The following SAMD7 variants were observed in gnomAD, a reference collection of about 807,000 sequenced individuals.
SAMD7 encodes the protein sterile alpha motif domain-containing protein 7.
Under a neutral mutation model 36.7 loss-of-function variants are expected in SAMD7, and 34 were observed. The observed-to-expected ratio is 0.93, with a 90% CI of 0.71 to 1.23. The LOEUF (loss-of-function observed/expected upper bound fraction) is 1.23, where lower values mean the gene tolerates loss of function less well. Among genes scored for constraint, SAMD7 ranks in the 50% most tolerant of loss-of-function variants. The pLI is 0.00. For missense variants in SAMD7, 570 were observed against 546.6 expected (o/e 1.04, Z -0.43); for synonymous variants, 188 against 189.7 (o/e 0.99, Z 0.07).
chr3:169,923,479 C>T (rs1713132835), intron 4 of SAMD7, among the ~76,000 whole-genome samples: 6 of 152,234 alleles, frequency 3.9e-5, no homozygotes, highest in South Asian at 4.1e-4. Context: ...TGTGGTGGCT[C>T]ATGCCTATAA....
At chr3:169,932,384 A>G in intron 7 of SAMD7, 2 of 644,888 alleles carry the variant, frequency 3.1e-6, no homozygotes, top group Non-Finnish European at 6.0e-6. Context: ...GAACCTAAGT[A>G]GTATAGCCGA....
rs993491934 is a variant in SAMD7, at chr3:169,938,524, G to T, written c.*18G>T. 1 of 1,545,058 alleles carries T rather than the reference G, an allele frequency of 6.5e-7. No homozygotes were observed. Among genetic ancestry groups the T allele is most frequent in the Non-Finnish European group, 8.9e-7 (1 of 1,123,104 alleles). On this transcript the variant is annotated 3_prime_UTR_variant, in exon 9 of 9. Coordinates refer to ENST00000335556, the MANE Select transcript of SAMD7 (RefSeq NM_001304366.2). ...GAAACTAAAAGCCCTCAAGGAGGAAGAATAGTCTTAGCCAGTTTTCCAAAG... is the reference window on the plus strand; with the variant it reads ...GAAACTAAAAGCCCTCAAGGAGGAATAATAGTCTTAGCCAGTTTTCCAAAG...
intron 8 of SAMD7, among the ~76,000 whole-genome samples, chr3:169,937,256 TA>T (rs1398265198): frequency 6.6e-6 from 1 of 152,148 alleles, no homozygotes; most frequent in Non-Finnish European, 1.5e-5. Flanking sequence ...TCTTTTTTTT[TA>T]ATTTTAATTT....
intron 2 of SAMD7, among the ~76,000 whole-genome samples, chr3:169,916,297 T>C (rs996609662): frequency 6.6e-6 from 1 of 152,176 alleles, no homozygotes; most frequent in Non-Finnish European, 1.5e-5. Flanking sequence ...TGTTGTCCAA[T>C]GGATAAAGTT....
chr3:169,934,432 A>T (rs1244011451), intron 7 of SAMD7, among the ~76,000 whole-genome samples: 2 of 152,156 alleles, frequency 1.3e-5, no homozygotes, highest in African/African-American at 4.8e-5. Context: ...CCTCACAAAA[A>T]AAAACCACCT....
At chr3:169,936,985 A>G (rs1713743380) in intron 8 of SAMD7, among the ~76,000 whole-genome samples, 2 of 152,212 alleles carry the variant, frequency 1.3e-5, no homozygotes, top group African/African-American at 4.8e-5. Flanking sequence ...TAATAATAAT[A>G]GTAAAATAAT....
At chr3:169,915,129 C>A (rs1355101174) in intron 1 of SAMD7, among the ~76,000 whole-genome samples, 2 of 152,220 alleles carry the variant, frequency 1.3e-5, no homozygotes, top group African/African-American at 4.8e-5. Context: ...CAATGGCCAA[C>A]AGAAGTTGAT....
chr3:169,930,833 G>A (rs1049606692), intron 7 of SAMD7, among the ~76,000 whole-genome samples: 2 of 151,744 alleles, frequency 1.3e-5, no homozygotes, highest in Admixed American at 6.6e-5. Flanking sequence ...CGCCCACCTC[G>A]GCCTCCCAAA....
At chr3:169,936,317 A>C (rs778040962) in intron 7 of SAMD7, 22 bp from the exon 8 acceptor site, 1 of 1,423,354 alleles carries the variant, frequency 7.0e-7, no homozygotes, top group Non-Finnish European at 9.9e-7. Context: ...AGACAGAGTT[A>C]ACACCTTTTG....
intron 4 of SAMD7, among the ~76,000 whole-genome samples, chr3:169,924,314 T>C (rs1447319792): frequency 6.6e-6 from 1 of 151,894 alleles, no homozygotes; most frequent in Non-Finnish European, 1.5e-5. Context: ...TCTGGCCAGG[T>C]GCAGTGGCTC....
chr3:169,923,415 T>C (rs957683670), intron 4 of SAMD7, among the ~76,000 whole-genome samples: 1 of 152,176 alleles, frequency 6.6e-6, no homozygotes, highest in Non-Finnish European at 1.5e-5. Flanking sequence ...CTGCAGCCCA[T>C]GATTACCGAC....
intron 4 of SAMD7, among the ~76,000 whole-genome samples, chr3:169,923,514 C>T (rs949669432): frequency 2.0e-5 from 3 of 152,290 alleles, no homozygotes; most frequent in Middle Eastern, 3.4e-3. Flanking sequence ...GAGGCAAAGG[C>T]GGGCAGATCA....
chr3:169,920,308 C>G (rs1712991916), intron 3 of SAMD7, among the ~76,000 whole-genome samples: 1 of 152,240 alleles, frequency 6.6e-6, no homozygotes, highest in South Asian at 2.1e-4. Flanking sequence ...CTGGTGAGGT[C>G]TCTCTTTCTG....
intron 2 of SAMD7, among the ~76,000 whole-genome samples, chr3:169,917,934 C>T (rs548616581): frequency 6.6e-6 from 1 of 150,596 alleles, no homozygotes; most frequent in South Asian, 2.1e-4. Context: ...AGCCACTGCA[C>T]CCGGCCTGTT....
chr3:169,915,340 A>G (rs1271890931), intron 1 of SAMD7, 27 bp from the exon 2 acceptor site: 1 of 151,964 alleles, frequency 6.6e-6, no homozygotes, highest in East Asian at 1.9e-4. Flanking sequence ...TCCCAAATAA[A>G]CTACTGTACT....
In SAMD7 at chr3:169,926,652, C is replaced by T. The variant is rs1206136462; in HGVS notation, c.390C>T (p.Ser130=). 1.2e-6 allele frequency: 2 copies of T among 1,613,976 alleles called. No individual in the cohort carries two copies. Among genetic ancestry groups the T allele is most frequent in the Admixed American group, 1.7e-5 (1 of 59,996 alleles). ...AGLGIPFLYG[S]SVPAAPAAYH... ...TAGGGATACCCTTCCTCTATGGCTC[C>T]AGTGTCCCAGCTGCCCCCGCTGCCT... The change falls in exon 6 of 9, where the codon TCC becomes TCT. Residue 130 remains serine, a synonymous_variant. Transcript: ENST00000335556.
intron 1 of SAMD7, among the ~76,000 whole-genome samples, chr3:169,912,731 T>C (rs1419903308): frequency 1.3e-5 from 2 of 152,216 alleles, no homozygotes; most frequent in Admixed American, 1.3e-4. Flanking sequence ...TCTTCAATGC[T>C]TTCCAGGGTA....
chr3:169,925,004 A>G, intron 4 of SAMD7, 54 bp from the exon 5 acceptor site: 2 of 1,079,252 alleles, frequency 1.9e-6, no homozygotes, highest in Middle Eastern at 2.1e-4. Context: ...TATTATTTTC[A>G]AATGCATGTT....
At chr3:169,929,337 C>T (rs1713399263) in intron 7 of SAMD7, among the ~76,000 whole-genome samples, 1 of 151,764 alleles carries the variant, frequency 6.6e-6, no homozygotes, top group African/African-American at 2.4e-5. Context: ...TTTTGGTTTG[C>T]ATGTTAAAGG....
Sources: gnomAD v4.1 joint callset for allele counts (sites outside exome capture counted in the v4.1 genomes callset) on GRCh38, gnomAD v4.1.1 for gene constraint, MANE v1.5 for transcripts, NCBI Gene and HGNC (gene_info 2026-07-23, HGNC 2026-07-21) for gene names.